The following U2SURP variants were observed in gnomAD, a reference collection of about 807,000 sequenced individuals.
The protein encoded by U2SURP is U2 snRNP associated SURP domain containing, also known as U2 snRNP-associated SURP motif-containing protein.
A neutral mutation model predicts 144.9 loss-of-function variants in U2SURP; 9 were observed. The ratio of observed to expected loss-of-function variants is 0.06; its 90% CI spans 0.04 to 0.11. The LOEUF is 0.11. Among genes scored for constraint, U2SURP ranks in the 10% least tolerant of loss-of-function variants. U2SURP has a pLI of 1.00. For synonymous variants in U2SURP, 408 were observed against 396.8 expected (o/e 1.03, Z -0.33); for missense variants, 724 against 1,226.7 (o/e 0.59, Z 6.12).
At chr3:143,004,949 T>C (rs1433599432) in intron 1 of U2SURP, among the ~76,000 whole-genome samples, 1 of 152,134 alleles carries the variant, frequency 6.6e-6, no homozygotes, top group East Asian at 1.9e-4. Flanking sequence ...ACTTATAAAA[T>C]TGTTAAGCAT....
rs1425005727 is a variant in U2SURP, at chr3:143,047,073, G to A, written c.2544+3797G>A. Among the ~76,000 whole-genome samples, 134 of 120,150 alleles carry A rather than the reference G, an allele frequency of 1.1e-3. 5 individuals are homozygous for A. The highest frequency in any genetic ancestry group is 4.5e-3 in the African/African-American group (124 of 27,638). 78.8% of individuals were successfully genotyped at this position (120,150 alleles called of 152,430 possible). On this transcript the variant is annotated intron_variant, in intron 24 of 27. Coordinates refer to ENST00000473835, the MANE Select transcript of U2SURP (RefSeq NM_001080415.2). ...TGACCCCCCCACCTCCCTCCCTGAC[G>A]GGGCGGCTGGCCGGGCAGAGGGGCT... is the stretch of plus-strand genomic sequence containing the variant.
At chr3:143,003,768 T>A (rs1935670651) in intron 1 of U2SURP, among the ~76,000 whole-genome samples, 1 of 146,320 alleles carries the variant, frequency 6.8e-6, no homozygotes, top group African/African-American at 2.5e-5. Context: ...CTCGGCTCAT[T>A]GCAACCTCCG....
intron 19 of U2SURP, 28 bp from the exon 20 acceptor site, chr3:143,035,954 G>C: frequency 6.4e-7 from 1 of 1,569,324 alleles, no homozygotes; most frequent in Non-Finnish European, 8.6e-7. Context: ...CAAAATAAAA[G>C]TTTGTTGTCT....
rs529531279 is a variant in U2SURP, at chr3:143,022,686, T to C, written c.1018+24T>C. The C allele has an allele frequency of 8.3e-4, 1,326 of 1,595,082 alleles. 13 individuals are homozygous for C. In the South Asian group the frequency reaches 0.014, roughly 16 times the overall value. ...TGGTAAGAACATTTTTATTATCCAT[T>C]TATACAATTCAGATATTTCTTTGGT... On this transcript the variant is annotated intron_variant, in intron 11 of 27. Coordinates refer to ENST00000473835, the MANE Select transcript of U2SURP (RefSeq NM_001080415.2).
intron 22 of U2SURP, 61 bp downstream of exon 22, chr3:143,038,264 G>A: frequency 8.0e-7 from 1 of 1,242,504 alleles, no homozygotes; most frequent in Non-Finnish European, 1.1e-6. Flanking sequence ...TTATTGGTGT[G>A]CTTGTATATA....
At chr3:143,017,724 G>A (rs1459843463) in intron 6 of U2SURP, among the ~76,000 whole-genome samples, 1 of 151,916 alleles carries the variant, frequency 6.6e-6, no homozygotes, top group Admixed American at 6.5e-5. Context: ...GGCTCAGGTG[G>A]TCCTCCCACC....
At position 143,010,751 on chromosome 3, in the gene U2SURP, G is replaced by A. The variant is rs757443278; in HGVS notation, c.46-64G>A. On this transcript the variant is annotated intron_variant, in intron 1 of 27. Coordinates refer to ENST00000473835, the MANE Select transcript of U2SURP (RefSeq NM_001080415.2). ...GGAAACTCTTAAGTTTGTATAACAC[G>A]AGAGACATGTTTTGTTAGTATAAGA... 1.3e-5 allele frequency: 17 copies of A among 1,298,734 alleles called. 1 individual carries two copies. Among genetic ancestry groups the A allele is most frequent in the Middle Eastern group, 1.9e-4 (1 of 5,218 alleles). The allele number at this position is 1,298,734 out of a possible 1,614,324, so 80.5% of individuals were successfully genotyped here. A position where few individuals can be genotyped will look rare whatever the true frequency, so the allele number is the denominator to read the frequency against.
rs773433570 is a variant in U2SURP at position 143,043,192 on chromosome 3, A to C, written c.2460A>C (p.Pro820=). 6.2e-7 allele frequency: 1 copy of C among 1,604,280 alleles called. No homozygotes were observed. Among genetic ancestry groups the C allele is most frequent in the South Asian group, 1.1e-5 (1 of 89,152 alleles). Residue 820 remains proline, a synonymous_variant, in exon 24 of 28, where the codon CCA becomes CCC. Coordinates refer to ENST00000473835, the MANE Select transcript of U2SURP (RefSeq NM_001080415.2). Reference sequence around the variant, plus strand: ...AAGAACATCATTTGTACTCTAATCCAATCAAAGAAGAAATGACTGAGTCTA... The same window carrying C: ...AAGAACATCATTTGTACTCTAATCCCATCAAAGAAGAAATGACTGAGTCTA... ...KSEEHHLYSN[P]IKEEMTESKF...
intron 1 of U2SURP, 38 bp from the exon 2 acceptor site, chr3:143,010,777 C>A (rs1278437158): frequency 2.0e-6 from 3 of 1,528,272 alleles, no homozygotes; most frequent in Non-Finnish European, 2.7e-6. Context: ...TAGTATAAGA[C>A]ATTTTAAATT....
At position 143,028,596 on chromosome 3, in the gene U2SURP, A is replaced by G; in HGVS notation, c.1560A>G (p.Glu520=). The change falls in exon 16 of 28, where the codon GAA becomes GAG. Residue 520 remains glutamate, a synonymous_variant. Coordinates refer to ENST00000473835, the MANE Select transcript of U2SURP (RefSeq NM_001080415.2). ...PYLHGMSEEQ[E]TEAFVEEPSK... ...TGCATGGAATGTCAGAAGAGCAAGA[A>G]ACAGAAGCTTTTGTAGAGGAACCTA... 6.2e-7 allele frequency: 1 copy of G among 1,604,576 alleles called. No individual in the cohort carries two copies. Among genetic ancestry groups the G allele is most frequent in the Middle Eastern group, 1.7e-4 (1 of 5,994 alleles).
At chr3:143,005,212 A>G (rs1344726444) in intron 1 of U2SURP, among the ~76,000 whole-genome samples, 1 of 149,604 alleles carries the variant, frequency 6.7e-6, no homozygotes, top group African/African-American at 2.5e-5. Context: ...ACAAAATACT[A>G]CAGGCTTCCT....
intron 12 of U2SURP, 159 bp downstream of exon 12, chr3:143,023,223 C>T (rs1932934791): frequency 3.4e-6 from 2 of 595,336 alleles, no homozygotes; most frequent in Admixed American, 7.1e-5. Flanking sequence ...CCCATGGAAA[C>T]CCTATATTTG....
intron 2 of U2SURP, among the ~76,000 whole-genome samples, chr3:143,011,651 A>T (rs917375465): frequency 1.1e-4 from 16 of 152,118 alleles, no homozygotes; most frequent in African/African-American, 3.9e-4. Flanking sequence ...AATTTCACTT[A>T]AAAAACTAGC....
intron 24 of U2SURP, among the ~76,000 whole-genome samples, chr3:143,050,711 C>T (rs1188314264): frequency 6.6e-6 from 1 of 152,152 alleles, no homozygotes; most frequent in African/African-American, 2.4e-5. Context: ...GTTCTTACAG[C>T]CATGAAGCAC....
rs749612288 is a variant in U2SURP, at chr3:143,055,129, A to G, written c.2951+10A>G. The G allele has an allele frequency of 6.4e-7, 1 of 1,561,296 alleles. No homozygotes were observed. The highest frequency in any genetic ancestry group is 1.2e-5 in the South Asian group (1 of 80,446). ...GCAAAAAAGCCAAAAGGTAAATGCA[A>G]GTCATTTTTGCTAATATTTCAGATA... On this transcript the variant is annotated intron_variant, in intron 27 of 27. Coordinates refer to ENST00000473835, the MANE Select transcript of U2SURP (RefSeq NM_001080415.2).
Position 143,027,272 on chromosome 3 carries a change from T to C in U2SURP, c.1379+19T>C. The C allele has an allele frequency of 6.3e-7, 1 of 1,585,032 alleles. No homozygotes were observed. The highest frequency in any genetic ancestry group is 8.7e-7 in the Non-Finnish European group (1 of 1,154,958). ...TGTTCAGGTGTGCATTTTTTAAAAA[T>C]TGTGAAATATATGTAACATAAAATT... On this transcript the variant is annotated intron_variant, in intron 14 of 27. Transcript: ENST00000473835.
chr3:143,020,513 G>A, intron 7 of U2SURP, 86 bp from the exon 8 acceptor site: 1 of 850,010 alleles, frequency 1.2e-6, no homozygotes, highest in Non-Finnish European at 1.9e-6. Flanking sequence ...CTAGTTATTT[G>A]ATGATAGTAA....
intron 21 of U2SURP, 82 bp downstream of exon 21, chr3:143,037,417 A>C: frequency 7.6e-7 from 1 of 1,319,802 alleles, no homozygotes; most frequent in Non-Finnish European, 1.1e-6. Flanking sequence ...GCTGATATGG[A>C]AAAAGGTTAT....
chr3:143,038,802 C>A (rs2108300907), intron 22 of U2SURP, 92 bp from the exon 23 acceptor site: 1 of 923,952 alleles, frequency 1.1e-6, no homozygotes, highest in Non-Finnish European at 1.6e-6. Context: ...GTAATATAAA[C>A]TTTTCAATTC....
Sources: allele counts gnomAD v4.1 joint callset (sites outside exome capture counted in the v4.1 genomes callset), GRCh38; gene constraint gnomAD v4.1.1; transcripts MANE v1.5; gene names NCBI Gene and HGNC (gene_info 2026-07-23, HGNC 2026-07-21).